ASPH: variants seen among roughly 807,000 people sequenced by gnomAD.
ASPH encodes aspartyl/asparaginyl beta-hydroxylase.
A neutral mutation model predicts 118.4 loss-of-function variants in ASPH; 100 were observed. The observed-to-expected ratio is 0.84, with a 90% CI of 0.72 to 1.00. The LOEUF is 1.00. Among genes scored for constraint, ASPH ranks in the 50% least tolerant of loss-of-function variants. The pLI is 0.00. For missense variants in ASPH, 920 were observed against 919.5 expected (o/e 1.00, Z -0.01); for synonymous variants, 315 against 325.6 (o/e 0.97, Z 0.35).
Position 61,526,040 on chromosome 8 carries a change from G to T in ASPH, c.1837C>A (p.Leu613Met), listed in dbSNP as rs1415483959. 1 of 1,614,008 alleles carries T rather than the reference G, an allele frequency of 6.2e-7. No homozygotes were observed. The highest frequency in any genetic ancestry group is 1.1e-5 in the South Asian group (1 of 91,070). ...TCCCTCAGGTTTTCATCCTCAGGCAGGAAGAGACCTTTGGCTTTATCCATC... is the reference window on the plus strand; with the variant it reads ...TCCCTCAGGTTTTCATCCTCAGGCATGAAGAGACCTTTGGCTTTATCCATC... ...AVMDKAKGLF[L>M]PEDENLREKG... is the part of the protein sequence containing the mutation. Residue 613 changes from leucine (L) to methionine (M), a missense_variant, in exon 22 of 25, where the codon CTG becomes ATG. Leu to Met is a conservative substitution (Grantham distance 15). Transcript: ENST00000379454.
chr8:61,641,045 A>G (rs1804875316), intron 10 of ASPH, among the ~76,000 whole-genome samples: 1 of 152,226 alleles, frequency 6.6e-6, no homozygotes, highest in Non-Finnish European at 1.5e-5. Context: ...TTGTTTTAGC[A>G]TATAGTGAAT....
Position 61,665,219 on chromosome 8 carries a change from T to C in ASPH, c.323-11559A>G, listed in dbSNP as rs1470983271. ...TTGTAACAAACTGCAATCTGGAACA[T>C]GACCATGTTCTGGGATGATGATGCC... On this transcript the variant is annotated intron_variant, in intron 3 of 24. Transcript: ENST00000379454. 3 of 1,539,738 alleles carry C rather than the reference T, an allele frequency of 1.9e-6. No individual in the cohort carries two copies. In the East Asian group the frequency reaches 6.8e-5, roughly 35 times the overall value.
intron 1 of ASPH, among the ~76,000 whole-genome samples, chr8:61,693,781 C>T (rs556423557): frequency 2.8e-4 from 43 of 152,328 alleles, no homozygotes; most frequent in South Asian, 1.2e-3. Flanking sequence ...CTCTTCACCT[C>T]CTGCCTTCAT....
chr8:61,525,841 A>C, intron 22 of ASPH, 136 bp downstream of exon 22: 1 of 1,256,376 alleles, frequency 8.0e-7, no homozygotes, highest in South Asian at 1.5e-5. Flanking sequence ...TGGATTTCAA[A>C]AATCTAGGTT....
intron 17 of ASPH, among the ~76,000 whole-genome samples, chr8:61,563,965 C>A (rs1359805158): frequency 1.3e-5 from 2 of 152,202 alleles, no homozygotes; most frequent in Non-Finnish European, 2.9e-5. Flanking sequence ...TGCCTCAGAG[C>A]CTCCTCGAGT....
At chr8:61,557,511 G>T (rs776279404) in intron 18 of ASPH, among the ~76,000 whole-genome samples, 3 of 152,166 alleles carry the variant, frequency 2.0e-5, no homozygotes, top group African/African-American at 4.8e-5. Flanking sequence ...ACCATTACCC[G>T]CATTACTAAA....
intron 24 of ASPH, among the ~76,000 whole-genome samples, chr8:61,513,379 A>T (rs1008966545): frequency 5.3e-5 from 8 of 152,186 alleles, no homozygotes; most frequent in Non-Finnish European, 1.0e-4. Context: ...ACTTTAATTG[A>T]CCCATTTCTC....
intron 24 of ASPH, among the ~76,000 whole-genome samples, chr8:61,508,513 T>C (rs952676231): frequency 2.4e-4 from 36 of 152,292 alleles, no homozygotes; most frequent in African/African-American, 8.2e-4. Context: ...AGAATTACCA[T>C]TGATATTAAT....
chr8:61,699,298 T>C (rs1834687682), intron 1 of ASPH, among the ~76,000 whole-genome samples: 1 of 152,208 alleles, frequency 6.6e-6, no homozygotes, highest in Non-Finnish European at 1.5e-5. Context: ...ATTTCACAAC[T>C]TTGCCAAAAG....
At chr8:61,553,518 C>T (rs1450346628) in intron 19 of ASPH, among the ~76,000 whole-genome samples, 2 of 152,114 alleles carry the variant, frequency 1.3e-5, no homozygotes, top group African/African-American at 4.8e-5. Flanking sequence ...AAATGTTTAA[C>T]TGCTCATGTT....
chr8:61,503,793 T>A (rs1346883654), intron 24 of ASPH, among the ~76,000 whole-genome samples: 1 of 152,240 alleles, frequency 6.6e-6, no homozygotes, highest in Non-Finnish European at 1.5e-5. Flanking sequence ...TTGCAATTAT[T>A]CTGTATATTA....
chr8:61,590,629 T>C (rs1201411454), intron 14 of ASPH, among the ~76,000 whole-genome samples: 1 of 151,846 alleles, frequency 6.6e-6, no homozygotes, highest in Non-Finnish European at 1.5e-5. Flanking sequence ...CTATACTTAT[T>C]CAAGGAAAAT....
intron 12 of ASPH, among the ~76,000 whole-genome samples, chr8:61,635,051 G>A (rs1485715860): frequency 6.6e-6 from 1 of 152,030 alleles, no homozygotes; most frequent in East Asian, 1.9e-4. Context: ...CCTTACTCCA[G>A]GTCTTTTTGA....
intron 1 of ASPH, among the ~76,000 whole-genome samples, chr8:61,691,373 T>G (rs1832598006): frequency 6.6e-6 from 1 of 152,202 alleles, no homozygotes; most frequent in Admixed American, 6.5e-5. Context: ...TGGTCTCAGG[T>G]GCCCTCTGGC....
intron 21 of ASPH, among the ~76,000 whole-genome samples, chr8:61,533,622 T>C (rs952618994): frequency 6.6e-6 from 1 of 152,170 alleles, no homozygotes; most frequent in Non-Finnish European, 1.5e-5. Flanking sequence ...AGTTTGTTTG[T>C]TTTTTAATTG....
chr8:61,584,920 G>A (rs1360655245), intron 14 of ASPH, among the ~76,000 whole-genome samples: 1 of 152,080 alleles, frequency 6.6e-6, no homozygotes, highest in Non-Finnish European at 1.5e-5. Flanking sequence ...TCCTTATAAA[G>A]TTTCTCCTGA....
intron 10 of ASPH, among the ~76,000 whole-genome samples, chr8:61,639,249 C>T (rs1265657200): frequency 1.3e-5 from 2 of 152,116 alleles, no homozygotes; most frequent in Non-Finnish European, 2.9e-5. Context: ...TGCTTCTCGT[C>T]ACCCTCTCTT....
At chr8:61,538,409 T>C (rs1056857023) in intron 21 of ASPH, among the ~76,000 whole-genome samples, 1 of 152,258 alleles carries the variant, frequency 6.6e-6, no homozygotes, top group Admixed American at 6.5e-5. Flanking sequence ...TACTTCTTGA[T>C]ACTATATTTA....
rs6995412 is a variant in ASPH at position 61,583,945 on chromosome 8, C to A, written c.1061G>T (p.Arg354Met). The change falls in exon 15 of 25, where the codon AGG becomes ATG. Residue 354 changes from arginine (R) to methionine (M), a missense_variant and splice_region_variant. Physicochemically the swap from Arg to Met is moderately conservative, Grantham distance 91 (BLOSUM62 -1). Coordinates refer to ENST00000379454, the MANE Select transcript of ASPH (RefSeq NM_004318.4). ...ELDAAEKLRK[R>M]GKIEEAVNAF... ...ATTGCACAAAAAATATCAACCTACC[C>A]TTTTACGGAGTTTTTCTGCAGCATC... 4.7e-4 allele frequency: 739 copies of A among 1,573,916 alleles called. 5 individuals carry two copies. In the African/African-American group the frequency reaches 9.0e-3, roughly 19 times the overall value.
Sources: gnomAD v4.1 joint callset for allele counts (sites outside exome capture counted in the v4.1 genomes callset) on GRCh38, gnomAD v4.1.1 for gene constraint, MANE v1.5 for transcripts, NCBI Gene and HGNC (gene_info 2026-07-23, HGNC 2026-07-21) for gene names.